The following TRIM62 variants were observed in gnomAD, a reference collection of about 807,000 sequenced individuals.
TRIM62 encodes tripartite motif containing 62, also known as E3 ubiquitin-protein ligase TRIM62.
A neutral mutation model predicts 44.2 loss-of-function variants in TRIM62; 39 were observed. The ratio of observed to expected loss-of-function variants is 0.88; its 90% CI spans 0.68 to 1.15. TRIM62 has a LOEUF of 1.15. Ranked by LOEUF, TRIM62 falls within the 50% of genes most tolerant of loss-of-function variation. TRIM62 has a pLI of 0.00. For synonymous variants in TRIM62, 278 were observed against 292.3 expected, an observed-to-expected ratio of 0.95 and a Z score of 0.50; for missense variants, 544 against 665.5, an observed-to-expected ratio of 0.82 and a Z score of 2.01.
chr1:33,180,672 T>C (rs952396812), intron 1 of TRIM62, among the ~76,000 whole-genome samples: 2 of 152,204 alleles, frequency 1.3e-5, no homozygotes, highest in Non-Finnish European at 2.9e-5. Context: ...TTCCGGTTCG[T>C]CCACAACCCT....
At position 33,165,342 on chromosome 1, in the gene TRIM62, G is replaced by A. The variant is rs2124738999; in HGVS notation, c.504+129C>T. On this transcript the variant is annotated intron_variant, in intron 2 of 4. Transcript: ENST00000291416. The surrounding 1 kb of genome is among the most constrained non-coding windows in gnomAD (Gnocchi z 4.0). The stretch of plus-strand genomic sequence containing the variant: ...CCCCACCCTGCCCTTCTCACTCCAG[G>A]TTTGGCTCCTTGAAGCCAGGTTTCC... 2 of 808,306 alleles carry A rather than the reference G, an allele frequency of 2.5e-6. No homozygotes were observed. The highest frequency in any genetic ancestry group is 3.6e-5 in the South Asian group (2 of 56,028). 50.1% of individuals were successfully genotyped at this position (808,306 alleles called of 1,614,324 possible). A position where few individuals can be genotyped will look rare whatever the true frequency, so the allele number is the denominator to read the frequency against.
chr1:33,168,205 C>G (rs1241370590), intron 1 of TRIM62, among the ~76,000 whole-genome samples: 7 of 152,074 alleles, frequency 4.6e-5, no homozygotes, highest in Non-Finnish European at 1.5e-5. Context: ...AGAGCCCATG[C>G]TGATGCAATT....
chr1:33,150,014 C>G (rs1645074852), intron 4 of TRIM62, among the ~76,000 whole-genome samples: 1 of 152,182 alleles, frequency 6.6e-6, no homozygotes, highest in African/African-American at 2.4e-5. Context: ...GCTGGCCACA[C>G]CGGCTTAGCA....
rs72885927 is a variant in TRIM62 at position 33,161,592 on chromosome 1, G to T, written c.505-1648C>A. Among the ~76,000 whole-genome samples, 1 of 152,156 alleles carries T rather than the reference G, an allele frequency of 6.6e-6. No homozygotes were observed. The highest frequency in any genetic ancestry group is 1.9e-4 in the East Asian group (1 of 5,192). ...CACCCAGAACGCCAGGCAGACAAAG[G>T]GGGGCGGACGAGAGTCTGGGGATGC... On this transcript the variant is annotated intron_variant, in intron 2 of 4. Coordinates refer to ENST00000291416, the MANE Select transcript of TRIM62 (RefSeq NM_018207.3). This position sits in a 1 kb window ranked among gnomAD's most constrained non-coding sequence, Gnocchi z 4.3.
Position 33,161,662 on chromosome 1 carries a change from G to T in TRIM62, c.505-1718C>A, listed in dbSNP as rs1277481961. ...CTTCCTGAGCCCCCTCACCCGGGGA[G>T]GGTGGAGGCCTCTGCAGCGGCATGT... is the stretch of plus-strand genomic sequence containing the variant. On this transcript the variant is annotated intron_variant, in intron 2 of 4. Coordinates refer to ENST00000291416, the MANE Select transcript of TRIM62 (RefSeq NM_018207.3). This position sits in a 1 kb window ranked among gnomAD's most constrained non-coding sequence, Gnocchi z 4.3. 1.3e-5 allele frequency among the ~76,000 whole-genome samples: 2 copies of T among 152,122 alleles called. No individual in the cohort carries two copies. Among genetic ancestry groups the T allele is most frequent in the African/African-American group, 4.8e-5 (2 of 41,408 alleles).
chr1:33,159,766 C>G lies in TRIM62; in HGVS notation c.683G>C (p.Gly228Ala), dbSNP rs1645236151. 6.2e-7 allele frequency: 1 copy of G among 1,613,660 alleles called. No homozygotes were observed. The highest frequency in any genetic ancestry group is 8.5e-7 in the Non-Finnish European group (1 of 1,179,970). Residue 228 changes from glycine (G) to alanine (A), a missense_variant, in exon 3 of 5, where the codon GGA becomes GCA. Gly to Ala is a moderately conservative substitution (Grantham distance 60). Transcript: ENST00000291416. The surrounding 1 kb of genome is among the most constrained non-coding windows in gnomAD (Gnocchi z 4.2). ...YSQQLRKVQE[G>A]AQILQERLAE... ...CAGCCGCTCCTGCAGGATCTGGGCT[C>G]CCTCCTGGACCTTGCGCAGCTGCTG...
In TRIM62 at chr1:33,146,285, G is replaced by T; in HGVS notation, c.*892C>A. 1 of 193,496 alleles carries T rather than the reference G, an allele frequency of 5.2e-6. No individual in the cohort carries two copies. The highest frequency in any genetic ancestry group is 1.1e-5 in the Non-Finnish European group (1 of 92,832). The allele number at this position is 193,496 out of a possible 1,614,324, so 12.0% of individuals were successfully genotyped here. ...GAGATAGATGCCAAGTCTGACAAGG[G>T]GTCCAGCCAACAGCCCCTCCCAGTG... On this transcript the variant is annotated 3_prime_UTR_variant, in exon 5 of 5. Coordinates refer to ENST00000291416, the MANE Select transcript of TRIM62 (RefSeq NM_018207.3).
chr1:33,162,695 G>A (rs936642876), intron 2 of TRIM62, among the ~76,000 whole-genome samples: 2 of 152,166 alleles, frequency 1.3e-5, no homozygotes, highest in Non-Finnish European at 2.9e-5. Context: ...GGAGGGAAAG[G>A]GGGGAAGGCA....
intron 2 of TRIM62, among the ~76,000 whole-genome samples, chr1:33,162,054 T>C (rs975641484): frequency 1.3e-5 from 2 of 152,106 alleles, no homozygotes. Flanking sequence ...CCCTCTGGGG[T>C]CCCACAGGTC....
At position 33,179,575 on chromosome 1, in the gene TRIM62, C is replaced by T. The variant is rs557883101; in HGVS notation, c.408+1450G>A. Reference sequence around the variant, plus strand: ...CAAAAACCTTCTGCTTCCAAACGCTCCACAGTGTGGTCCAGCTTAGGCCAG... The same window carrying T: ...CAAAAACCTTCTGCTTCCAAACGCTTCACAGTGTGGTCCAGCTTAGGCCAG... On this transcript the variant is annotated intron_variant, in intron 1 of 4. Transcript: ENST00000291416. 2.2e-4 allele frequency among the ~76,000 whole-genome samples: 33 copies of T among 152,330 alleles called. No individual in the cohort carries two copies. In the South Asian group the frequency reaches 6.6e-3, roughly 31 times the overall value.
In TRIM62 at chr1:33,167,746, G is replaced by A. The variant is rs1645341609; in HGVS notation, c.409-2180C>T. The stretch of plus-strand genomic sequence containing the variant: ...CTCATTCAGCTTGTCAGACCAGGGA[G>A]GGCCTTGGTAAATGTCTAGTTCAAT... On this transcript the variant is annotated intron_variant, in intron 1 of 4. Transcript: ENST00000291416. This position sits in a 1 kb window ranked among gnomAD's most constrained non-coding sequence, Gnocchi z 4.2. Among the ~76,000 whole-genome samples, 1 of 152,210 alleles carries A rather than the reference G, an allele frequency of 6.6e-6. No individual in the cohort carries two copies. Among genetic ancestry groups the A allele is most frequent in the Non-Finnish European group, 1.5e-5 (1 of 68,044 alleles).
At position 33,165,614 on chromosome 1, in the gene TRIM62, C is replaced by A; in HGVS notation, c.409-48G>T. 6.6e-7 allele frequency: 1 copy of A among 1,523,316 alleles called. No individual in the cohort carries two copies. The highest frequency in any genetic ancestry group is 1.4e-5 in the African/African-American group (1 of 72,744). The allele number at this position is 1,523,316 out of a possible 1,614,324, so 94.4% of individuals were successfully genotyped here. A position where few individuals can be genotyped will look rare whatever the true frequency, so the allele number is the denominator to read the frequency against. On this transcript the variant is annotated intron_variant, in intron 1 of 4. Transcript: ENST00000291416. This position sits in a 1 kb window ranked among gnomAD's most constrained non-coding sequence, Gnocchi z 4.0. ...ATGGGGGCAGGGGCCATGCCTGGCC[C>A]AGGCATTCAGCCCTGACCACTGCCA...
chr1:33,180,484 T>C (rs917554221), intron 1 of TRIM62, among the ~76,000 whole-genome samples: 1 of 152,090 alleles, frequency 6.6e-6, no homozygotes, highest in African/African-American at 2.4e-5. Context: ...GGTTTCACCC[T>C]CACCTGTCCA....
Position 33,147,482 on chromosome 1 carries a change from T to C in TRIM62, c.1123A>G (p.Lys375Glu), listed in dbSNP as rs941247815. ...IGLAHEAASRKGSIQIQPSRG... is the reference protein window; with the variant it reads ...IGLAHEAASREGSIQIQPSRG... ...CTGGGCTGGATCTGGATGCTGCCCT[T>C]GCGGCTTGCGGCTTCGTGTGCCAGC... Residue 375 changes from lysine (K) to glutamate (E), a missense_variant, in exon 5 of 5, where the codon AAG becomes GAG. Coordinates refer to ENST00000291416, the MANE Select transcript of TRIM62 (RefSeq NM_018207.3). This position sits in a 1 kb window ranked among gnomAD's most constrained non-coding sequence, Gnocchi z 8.1. 1 of 1,613,046 alleles carries C rather than the reference T, an allele frequency of 6.2e-7. No individual in the cohort carries two copies. Among genetic ancestry groups the C allele is most frequent in the South Asian group, 1.1e-5 (1 of 91,074 alleles).
In TRIM62 at chr1:33,165,913, C is replaced by T. The variant is rs1275110108; in HGVS notation, c.409-347G>A. ...GCAGGGGTCTCCAACCCCCAGGCCA[C>T]AGGTGGGTATTGGTCCATAGCTTGT... On this transcript the variant is annotated intron_variant, in intron 1 of 4. Coordinates refer to ENST00000291416, the MANE Select transcript of TRIM62 (RefSeq NM_018207.3). The surrounding 1 kb of genome is among the most constrained non-coding windows in gnomAD (Gnocchi z 4.0). 3 of 181,002 alleles carry T rather than the reference C, an allele frequency of 1.7e-5. No homozygotes were observed. The highest frequency in any genetic ancestry group is 3.5e-5 in the Non-Finnish European group (3 of 86,928). 11.2% of individuals were successfully genotyped at this position (181,002 alleles called of 1,614,324 possible).
intron 4 of TRIM62, among the ~76,000 whole-genome samples, chr1:33,150,988 G>A (rs1296122986): frequency 1.3e-5 from 2 of 152,142 alleles, no homozygotes; most frequent in Admixed American, 6.5e-5. Flanking sequence ...GGCAGCAACC[G>A]AGGCTCAGGG....
At chr1:33,162,439 TA>T (rs1435889561) in intron 2 of TRIM62, among the ~76,000 whole-genome samples, 7 of 152,232 alleles carry the variant, frequency 4.6e-5, no homozygotes, top group Admixed American at 3.3e-4. Context: ...TCAACAGTCT[TA>T]ATACATTGTC....
chr1:33,164,726 C>T (rs540673529), intron 2 of TRIM62: 8 of 152,268 alleles, frequency 5.3e-5, no homozygotes, highest in Non-Finnish European at 1.2e-4. Flanking sequence ...TGGAGGGCTT[C>T]GAGGGGACAT....
At chr1:33,169,021 G>A (rs992108813) in intron 1 of TRIM62, among the ~76,000 whole-genome samples, 3 of 152,068 alleles carry the variant, frequency 2.0e-5, no homozygotes, top group Non-Finnish European at 4.4e-5. Flanking sequence ...CCTGGATCCC[G>A]GGAGAATCAG....
Sources: gnomAD v4.1 joint callset for allele counts (sites outside exome capture counted in the v4.1 genomes callset) on GRCh38, gnomAD v4.1.1 for gene constraint, Gnocchi (gnomAD v3.1) non-coding constraint, MANE v1.5 for transcripts, NCBI Gene and HGNC (gene_info 2026-07-23, HGNC 2026-07-21) for gene names.